Variants in BIRC6 observed in about 807,000 individuals in gnomAD.
The protein encoded by BIRC6 is baculoviral IAP repeat containing 6.
In BIRC6, 98 loss-of-function variants were observed where a neutral mutation model predicts 503.3. The observed-to-expected ratio is 0.19, with a 90% confidence interval of 0.17 to 0.23. BIRC6 has a LOEUF of 0.23. BIRC6 is among the 10% of genes least tolerant of loss of function. The pLI, the probability that BIRC6 is intolerant of heterozygous loss-of-function variation, is 1.00. For synonymous variants in BIRC6, 2,240 were observed against 2,078.7 expected (o/e 1.08, Z -2.11); for missense variants, 5,360 against 5,806.0 (o/e 0.92, Z 2.50).
At chr2:32,422,470 C>T (rs1013209491) in intron 10 of BIRC6, among the ~76,000 whole-genome samples, 16 of 151,878 alleles carry the variant, frequency 1.1e-4, no homozygotes, top group Admixed American at 9.2e-4. Context: ...TTGTTAGGGA[C>T]ACCCAGAGAC....
At chr2:32,541,897 C>T (rs796770005) in intron 61 of BIRC6, among the ~76,000 whole-genome samples, 1 of 152,064 alleles carries the variant, frequency 6.6e-6, no homozygotes, top group Non-Finnish European at 1.5e-5. Flanking sequence ...CTATAAACTG[C>T]AAATCTTATT....
chr2:32,493,254 T>G (rs1175142929), intron 44 of BIRC6, among the ~76,000 whole-genome samples: 2 of 152,060 alleles, frequency 1.3e-5, no homozygotes, highest in Admixed American at 1.3e-4. Flanking sequence ...GTATTTATTG[T>G]GTAATTCAGG....
chr2:32,453,834 G>T lies in BIRC6; in HGVS notation c.4645G>T (p.Ala1549Ser). 1.2e-6 allele frequency: 2 copies of T among 1,613,728 alleles called. No homozygotes were observed. The highest frequency in any genetic ancestry group is 1.7e-6 in the Non-Finnish European group (2 of 1,179,694). ...SGNGKVSSCT[A>S]AEGSFTSLTG... ...AAATGGAAAGGTCAGTAGTTGCACA[G>T]CTGCTGAGGGTAGTTTCACATCTCT... Residue 1549 changes from alanine (A) to serine (S), a missense_variant, in exon 23 of 74, where the codon GCT (alanine) becomes TCT (serine). Transcript: ENST00000421745.
intron 10 of BIRC6, among the ~76,000 whole-genome samples, chr2:32,421,559 G>A (rs1009877030): frequency 6.6e-6 from 1 of 152,078 alleles, no homozygotes; most frequent in African/African-American, 2.4e-5. Context: ...ATCAAAATAT[G>A]TTCTAATTTC....
chr2:32,369,898 C>G (rs1021358526), intron 1 of BIRC6, among the ~76,000 whole-genome samples: 21 of 124,364 alleles, frequency 1.7e-4, no homozygotes, highest in Non-Finnish European at 1.9e-4. Context: ...CCAGGTTAGC[C>G]TGGGCAACAT....
At chr2:32,601,653 A>G (rs1047540012) in intron 70 of BIRC6, among the ~76,000 whole-genome samples, 3 of 152,328 alleles carry the variant, frequency 2.0e-5, no homozygotes, top group African/African-American at 7.2e-5. Flanking sequence ...TTAAAAGTGT[A>G]CAAAATCTGA....
intron 49 of BIRC6, among the ~76,000 whole-genome samples, chr2:32,504,157 C>A (rs2053540235): frequency 1.3e-5 from 2 of 151,524 alleles, no homozygotes; most frequent in South Asian, 4.2e-4. Flanking sequence ...CCTTGGCCTC[C>A]CAAAGTGTTA....
intron 65 of BIRC6, among the ~76,000 whole-genome samples, chr2:32,570,718 C>T (rs914137940): frequency 5.9e-5 from 9 of 151,882 alleles, no homozygotes; most frequent in African/African-American, 9.7e-5. Flanking sequence ...AGGCTGGTCT[C>T]GAACTCCTGA....
chr2:32,411,661 A>G (rs2041899722), intron 9 of BIRC6, among the ~76,000 whole-genome samples: 1 of 151,594 alleles, frequency 6.6e-6, no homozygotes, highest in Non-Finnish European at 1.5e-5. Context: ...TGTTTTTGGT[A>G]GAGACGGGGT....
chr2:32,396,417 A>C (rs1044753950), intron 6 of BIRC6, among the ~76,000 whole-genome samples: 2 of 152,356 alleles, frequency 1.3e-5, no homozygotes, highest in East Asian at 3.9e-4. Flanking sequence ...AAGTCTCTGA[A>C]TGTTAAATCA....
chr2:32,487,860 G>C (rs1369701125), intron 41 of BIRC6, 59 bp downstream of exon 41: 7 of 1,417,010 alleles, frequency 4.9e-6, no homozygotes, highest in Non-Finnish European at 9.8e-7. Flanking sequence ...GGTAAAAGAT[G>C]AAACTAATTG....
chr2:32,433,528 C>G, intron 12 of BIRC6, 116 bp from the exon 13 acceptor site: 1 of 822,594 alleles, frequency 1.2e-6, no homozygotes, highest in Non-Finnish European at 1.8e-6. Context: ...TTGAGAAACA[C>G]TAGATTTTGT....
At position 32,468,117 on chromosome 2, in the gene BIRC6, TAC is replaced by T; in HGVS notation, c.5780+8_5780+9del. 1.2e-6 allele frequency: 2 copies of T among 1,612,388 alleles called. No homozygotes were observed. Among genetic ancestry groups the T allele is most frequent in the Non-Finnish European group, 1.7e-6 (2 of 1,178,850 alleles). ...CAGGAGGATATACAGTGCAGGTTAG[TAC>T]AGAGTGCAAATTTTAATGTTATTGA... On this transcript the variant is annotated splice_region_variant and intron_variant, in intron 28 of 73. Coordinates refer to ENST00000421745, the MANE Select transcript of BIRC6 (RefSeq NM_016252.4).
At chr2:32,377,217 G>A (rs1343004094) in intron 1 of BIRC6, among the ~76,000 whole-genome samples, 3 of 136,334 alleles carry the variant, frequency 2.2e-5, no homozygotes, top group African/African-American at 8.6e-5. Flanking sequence ...ATATATATGT[G>A]TGTGTGTGTG....
chr2:32,433,865 A>G (rs1331305313), intron 13 of BIRC6, 61 bp downstream of exon 13: 1 of 1,345,206 alleles, frequency 7.4e-7, no homozygotes, highest in East Asian at 2.5e-5. Flanking sequence ...TCTGAAAACT[A>G]ATTTTCACCT....
At chr2:32,525,741 T>A in intron 59 of BIRC6, 113 bp downstream of exon 59, 1 of 1,004,816 alleles carries the variant, frequency 1.0e-6, no homozygotes, top group Non-Finnish European at 1.4e-6. Context: ...ATGAGATCAG[T>A]GAGTTAGTGA....
intron 65 of BIRC6, among the ~76,000 whole-genome samples, chr2:32,550,183 G>A (rs1026266047): frequency 6.6e-6 from 1 of 151,868 alleles, no homozygotes; most frequent in Non-Finnish European, 1.5e-5. Flanking sequence ...TCTTATCTCT[G>A]TCTTTATCTT....
chr2:32,593,207 G>C (rs2061489380), intron 66 of BIRC6, among the ~76,000 whole-genome samples: 1 of 152,112 alleles, frequency 6.6e-6, no homozygotes. Context: ...TTGGAATAGA[G>C]AAAAGGAAAT....
intron 65 of BIRC6, chr2:32,563,565 A>T (rs1158417983): frequency 6.6e-6 from 1 of 152,236 alleles, no homozygotes; most frequent in South Asian, 2.1e-4. Context: ...TTTTAAAGCA[A>T]TTGAAGAAAA....
Sources: allele counts gnomAD v4.1 joint callset (sites outside exome capture counted in the v4.1 genomes callset), GRCh38; gene constraint gnomAD v4.1.1; transcripts MANE v1.5; gene names NCBI Gene and HGNC (gene_info 2026-07-23, HGNC 2026-07-21).